The following NUP43 variants were observed in gnomAD, a reference collection of about 807,000 sequenced individuals.
NUP43 encodes nucleoporin 43.
NUP43 carries 32 observed loss-of-function variants against 47.3 expected under a neutral mutation model. The observed-to-expected ratio is 0.68, with a 90% CI of 0.51 to 0.91. The LOEUF is 0.91. Ranked by LOEUF, NUP43 falls within the 40% of genes least tolerant of loss-of-function variation. The pLI, the probability that NUP43 is intolerant of heterozygous loss-of-function variation, is 0.00. For missense variants in NUP43, 444 were observed against 453.9 expected, an observed-to-expected ratio of 0.98 and a Z score of 0.20; for synonymous variants, 147 against 158.4, an observed-to-expected ratio of 0.93 and a Z score of 0.54.
At chr6:149,735,975 T>TAA (rs75190982) in intron 6 of NUP43, among the ~76,000 whole-genome samples, 35 of 117,172 alleles carry the variant, frequency 3.0e-4, no homozygotes, top group African/African-American at 6.5e-4. Context: ...CCTGTCTCTT[T>TAA]AAAAAAAAAA....
intron 2 of NUP43, among the ~76,000 whole-genome samples, chr6:149,744,243 A>G (rs932838187): frequency 3.3e-5 from 5 of 151,154 alleles, no homozygotes; most frequent in African/African-American, 1.2e-4. Flanking sequence ...TAAAAAAGAA[A>G]AGCCAGGCAC....
At chr6:149,735,778 G>A (rs1299221769) in intron 6 of NUP43, among the ~76,000 whole-genome samples, 3 of 150,346 alleles carry the variant, frequency 2.0e-5, no homozygotes, top group African/African-American at 7.4e-5. Context: ...GGGCAATAAA[G>A]TGAAACCCCA....
intron 6 of NUP43, among the ~76,000 whole-genome samples, chr6:149,733,365 T>C (rs1785158882): frequency 6.6e-6 from 1 of 152,196 alleles, no homozygotes; most frequent in East Asian, 1.9e-4. Context: ...AGAAAAACTA[T>C]TTCTTAGCCC....
intron 4 of NUP43, among the ~76,000 whole-genome samples, chr6:149,740,426 C>T (rs1355596867): frequency 6.6e-6 from 1 of 151,928 alleles, no homozygotes; most frequent in East Asian, 1.9e-4. Context: ...GTCAAGAAAT[C>T]AAGACCATCC....
chr6:149,729,482 T>G (rs1293683331), intron 7 of NUP43: 35 of 978,104 alleles, frequency 3.6e-5, no homozygotes, highest in African/African-American at 7.0e-5. Context: ...ACAACACTGG[T>G]GGTAGTTTCA....
chr6:149,743,859 T>A, intron 2 of NUP43, 144 bp from the exon 3 acceptor site: 1 of 564,154 alleles, frequency 1.8e-6, no homozygotes, highest in Non-Finnish European at 3.1e-6. Flanking sequence ...TAAAATGTGT[T>A]AATGAAGCTG....
chr6:149,736,139 T>C (rs1224920375), intron 6 of NUP43, among the ~76,000 whole-genome samples: 2 of 151,572 alleles, frequency 1.3e-5, no homozygotes, highest in Non-Finnish European at 2.9e-5. Flanking sequence ...TAGCCAGGTG[T>C]GGTGGTGCAT....
rs140164369 is a variant in NUP43, at chr6:149,742,214, C to T, written c.502+176G>A. On this transcript the variant is annotated intron_variant, in intron 4 of 7. Coordinates refer to ENST00000340413, the MANE Select transcript of NUP43 (RefSeq NM_198887.3). Reference sequence around the variant, plus strand: ...GCAAATTCTGTAGTTTTAGTAGAGACGGTGTTTCTCCATGTTGGTCAGGCT... The same window carrying T: ...GCAAATTCTGTAGTTTTAGTAGAGATGGTGTTTCTCCATGTTGGTCAGGCT... Among the ~76,000 whole-genome samples, 240 of 152,236 alleles carry T rather than the reference C, an allele frequency of 1.6e-3. 1 individual carries two copies. Among genetic ancestry groups the T allele is most frequent in the African/African-American group, 5.4e-3 (226 of 41,544 alleles).
intron 4 of NUP43, among the ~76,000 whole-genome samples, chr6:149,741,365 G>A (rs978803036): frequency 8.6e-5 from 13 of 151,972 alleles, no homozygotes; most frequent in Non-Finnish European, 1.6e-4. Context: ...GTAGAGATGG[G>A]GTTTTGCAAT....
intron 1 of NUP43, 88 bp from the exon 2 acceptor site, chr6:149,746,150 C>A: frequency 1.4e-6 from 2 of 1,437,076 alleles, no homozygotes; most frequent in Non-Finnish European, 9.6e-7. Context: ...AATGTTGCTC[C>A]AAAACATCTC....
At chr6:149,742,332 T>C (rs1785706040) in intron 4 of NUP43, 58 bp downstream of exon 4, 15 of 1,539,576 alleles carry the variant, frequency 9.7e-6, no homozygotes, top group East Asian at 2.3e-5. Flanking sequence ...AGCCTAACTT[T>C]TGTATTTTTA....
At chr6:149,729,340 T>G (rs1189727456) in intron 7 of NUP43, 2 of 158,176 alleles carry the variant, frequency 1.3e-5, no homozygotes, top group African/African-American at 4.8e-5. Context: ...GAGGTAGAAG[T>G]TGGTAAACTC....
upstream of NUP43, chr6:149,749,221 G>A (rs932039011): frequency 2.0e-5 from 3 of 152,266 alleles, no homozygotes; most frequent in Non-Finnish European, 4.4e-5. Flanking sequence ...AAAGCCAGAG[G>A]CCGGTGTACT....
At chr6:149,729,630 C>T in intron 7 of NUP43, 1 of 599,036 alleles carries the variant, frequency 1.7e-6, no homozygotes, top group South Asian at 7.4e-5. Context: ...CAGCACCCCT[C>T]CTATTACCTT....
In NUP43 at chr6:149,746,489, C is replaced by T. The variant is rs145446416; in HGVS notation, c.7G>A (p.Glu3Lys). The T allele has an allele frequency of 3.7e-4, 591 of 1,614,222 alleles. 1 individual carries two copies. The highest frequency in any genetic ancestry group is 2.3e-3 in the Middle Eastern group (14 of 6,062). ...TGGGACACAAACTTCGCATAAATTT[C>T]CTCCATGCCGAAAGCGGCCGCAGCA... ME[E>K]IYAKFVSQKI... The change falls in exon 1 of 8, where the codon GAA becomes AAA. Residue 3 changes from glutamate to lysine, a missense_variant. By Grantham distance (56) the Glu-to-Lys change is moderately conservative (BLOSUM62 1). Coordinates refer to ENST00000340413, the MANE Select transcript of NUP43 (RefSeq NM_198887.3).
intron 7 of NUP43, among the ~76,000 whole-genome samples, chr6:149,728,999 CT>C (rs920431479): frequency 2.0e-5 from 3 of 151,060 alleles, no homozygotes; most frequent in Admixed American, 6.6e-5. Context: ...TTTCCTTTTT[CT>C]TTTTTTTTGA....
chr6:149,732,662 T>C (rs1327005338), intron 6 of NUP43, among the ~76,000 whole-genome samples: 1 of 151,646 alleles, frequency 6.6e-6, no homozygotes, highest in Admixed American at 6.6e-5. Flanking sequence ...CTAACCAACA[T>C]GGTGAAACCC....
At chr6:149,744,957 G>C (rs1177811281) in intron 2 of NUP43, among the ~76,000 whole-genome samples, 1 of 149,660 alleles carries the variant, frequency 6.7e-6, no homozygotes, top group Non-Finnish European at 1.5e-5. Context: ...TGTTGCCCAA[G>C]CTGGCGCACT....
chr6:149,728,814 T>C (rs1784903423), intron 7 of NUP43, among the ~76,000 whole-genome samples: 1 of 152,134 alleles, frequency 6.6e-6, no homozygotes, highest in Non-Finnish European at 1.5e-5. Flanking sequence ...CTGGAATGCT[T>C]TCATGTCACT....
Sources: allele counts gnomAD v4.1 joint callset (sites outside exome capture counted in the v4.1 genomes callset), GRCh38; gene constraint gnomAD v4.1.1; transcripts MANE v1.5; gene names NCBI Gene and HGNC (gene_info 2026-07-23, HGNC 2026-07-21).